RFPL1: variants seen among roughly 807,000 people sequenced by gnomAD.
RFPL1 encodes the protein ret finger protein-like 1.
A neutral mutation model predicts 9.6 loss-of-function variants in RFPL1; 6 were observed. The ratio of observed to expected loss-of-function variants is 0.62; its 90% CI spans 0.34 to 1.23. The LOEUF (loss-of-function observed/expected upper bound fraction) is 1.23. Ranked by LOEUF, RFPL1 falls within the 50% of genes most tolerant of loss-of-function variation. The pLI is 0.03. For missense variants in RFPL1, 352 were observed against 398.4 expected (o/e 0.88, Z 0.99); for synonymous variants, 145 against 149.4 (o/e 0.97, Z 0.22).
chr22:29,436,977 A>T (rs566084918), upstream of RFPL1: 1 of 152,496 alleles, frequency 6.6e-6, no homozygotes, highest in East Asian at 1.9e-4. Context: ...AAATGAAAAG[A>T]TTCGGGGTTG....
At chr22:29,423,921 A>G in the RFPL1 span, among the ~76,000 whole-genome samples, 2 of 152,192 alleles carry the variant, frequency 1.3e-5, no homozygotes, top group Non-Finnish European at 2.9e-5. Flanking sequence ...TAAGACAATA[A>G]GGGCCAGGTG....
chr22:29,393,686 G>A, the RFPL1 span, among the ~76,000 whole-genome samples: 2 of 148,158 alleles, frequency 1.3e-5, no homozygotes, highest in South Asian at 4.2e-4. Context: ...CACCTGGATA[G>A]AGAGAGAGAG....
At chr22:29,414,971 C>T in the RFPL1 span, among the ~76,000 whole-genome samples, 24 of 152,074 alleles carry the variant, frequency 1.6e-4, no homozygotes, top group Non-Finnish European at 2.2e-4. Flanking sequence ...AGTGGGTTCA[C>T]GGAATTCACA....
At chr22:29,427,579 T>A in the RFPL1 span, among the ~76,000 whole-genome samples, 4 of 152,182 alleles carry the variant, frequency 2.6e-5, no homozygotes, top group Admixed American at 2.6e-4. Flanking sequence ...TGATTCTCCC[T>A]TATTTGGAAT....
At chr22:29,390,845 G>A in the RFPL1 span, among the ~76,000 whole-genome samples, 1 of 151,178 alleles carries the variant, frequency 6.6e-6, no homozygotes, top group Non-Finnish European at 1.5e-5. Context: ...TGATCCGCCC[G>A]CCTCAGCCTC....
the RFPL1 span, among the ~76,000 whole-genome samples, chr22:29,411,145 A>T: frequency 6.6e-6 from 1 of 152,140 alleles, no homozygotes; most frequent in Non-Finnish European, 1.5e-5. Context: ...GAGGAAGAAG[A>T]TCTAATATTA....
the RFPL1 span, among the ~76,000 whole-genome samples, chr22:29,418,365 G>A: frequency 6.6e-6 from 1 of 152,134 alleles, no homozygotes; most frequent in Non-Finnish European, 1.5e-5. Context: ...GCACACCGGT[G>A]ACAAATTAGA....
At chr22:29,389,450 G>A in the RFPL1 span, among the ~76,000 whole-genome samples, 2 of 151,366 alleles carry the variant, frequency 1.3e-5, no homozygotes, top group Non-Finnish European at 2.9e-5. Flanking sequence ...ACTTTGGGAG[G>A]CCGAGGCGGG....
chr22:29,422,808 T>G, the RFPL1 span, among the ~76,000 whole-genome samples: 1 of 150,128 alleles, frequency 6.7e-6, no homozygotes, highest in African/African-American at 2.5e-5. Flanking sequence ...AACACACACA[T>G]ACACACACAC....
chr22:29,410,544 TAGAG>T, the RFPL1 span, among the ~76,000 whole-genome samples: 7 of 127,958 alleles, frequency 5.5e-5, no homozygotes, highest in East Asian at 1.5e-3. Context: ...CTACTATATA[TAGAG>T]ATATATATTG....
chr22:29,432,234 A>G, the RFPL1 span, among the ~76,000 whole-genome samples: 1 of 152,182 alleles, frequency 6.6e-6, no homozygotes, highest in Admixed American at 6.5e-5. Flanking sequence ...CAAAGAGTGC[A>G]ATTAACTGAT....
chr22:29,409,095 C>T, the RFPL1 span, among the ~76,000 whole-genome samples: 1 of 151,776 alleles, frequency 6.6e-6, no homozygotes, highest in Admixed American at 6.6e-5. Context: ...TTTATTTAGA[C>T]ATAGTTGACA....
At chr22:29,435,061 T>A (rs1053803649), upstream of RFPL1, 1 of 152,224 alleles carries the variant, frequency 6.6e-6, no homozygotes, top group Admixed American at 6.5e-5. Context: ...GCAAGAAACT[T>A]TTCTGCTTGC....
the RFPL1 span, among the ~76,000 whole-genome samples, chr22:29,425,836 TGATCTGA>T: frequency 1.3e-5 from 2 of 150,584 alleles, no homozygotes. Flanking sequence ...AGGGTTGAGG[TGATCTGA>T]GATCATGCCA....
the RFPL1 span, among the ~76,000 whole-genome samples, chr22:29,422,539 T>C: frequency 5.3e-5 from 8 of 152,158 alleles, no homozygotes; most frequent in Non-Finnish European, 8.8e-5. Context: ...ATTGGTGCCA[T>C]TGTACTCGTG....
chr22:29,392,265 A>C, the RFPL1 span, among the ~76,000 whole-genome samples: 1 of 146,490 alleles, frequency 6.8e-6, no homozygotes, highest in Non-Finnish European at 1.5e-5. Flanking sequence ...TTTGTAGTGG[A>C]GATGGGGTTC....
the RFPL1 span, among the ~76,000 whole-genome samples, chr22:29,421,015 C>T: frequency 6.4e-4 from 97 of 152,218 alleles, no homozygotes; most frequent in African/African-American, 2.1e-3. Context: ...CCTCACAACT[C>T]TGCATTTCCC....
upstream of RFPL1, among the ~76,000 whole-genome samples, chr22:29,435,607 GTC>G (rs1303516322): frequency 6.6e-6 from 1 of 152,148 alleles, no homozygotes; most frequent in Non-Finnish European, 1.5e-5. Flanking sequence ...CCTACACACT[GTC>G]TCCCAAGCTT....
the RFPL1 span, among the ~76,000 whole-genome samples, chr22:29,414,270 A>T: frequency 1.3e-5 from 2 of 151,222 alleles, no homozygotes; most frequent in African/African-American, 2.4e-5. Flanking sequence ...TCCAAAGCAA[A>T]CTTCCTTCAT....
Sources: allele counts gnomAD v4.1 joint callset (sites outside exome capture counted in the v4.1 genomes callset), GRCh38; gene constraint gnomAD v4.1.1; transcripts MANE v1.5; gene names NCBI Gene and HGNC (gene_info 2026-07-23, HGNC 2026-07-21).